The following MSRA variants were observed in gnomAD, a reference collection of about 807,000 sequenced individuals.
MSRA encodes methionine sulfoxide reductase A.
In MSRA, 54 loss-of-function variants were observed where a neutral mutation model predicts 31.3. That is an observed-to-expected ratio of 1.73 (90% CI 1.39 to 2.17). The LOEUF (loss-of-function observed/expected upper bound fraction) is 2.17. MSRA is among the 30% of genes most tolerant of loss of function. The pLI, the probability that MSRA is intolerant of heterozygous loss-of-function variation, is 0.00. For missense variants in MSRA, 507 were observed against 300.9 expected (o/e 1.69, Z -5.07); for synonymous variants, 169 against 116.5 (o/e 1.45, Z -2.90).
chr8:10,309,775 G>A (rs1563335340), intron 4 of MSRA, among the ~76,000 whole-genome samples: 1 of 152,112 alleles, frequency 6.6e-6, no homozygotes, highest in African/African-American at 2.4e-5. Context: ...GGTGTCCTTG[G>A]GCTGCATGGG....
chr8:10,324,013 G>C (rs202020406), intron 5 of MSRA, among the ~76,000 whole-genome samples: 3 of 152,190 alleles, frequency 2.0e-5, no homozygotes, highest in Non-Finnish European at 4.4e-5. Context: ...GAGATGAGTT[G>C]AAAGTTCAGT....
At chr8:10,350,758 G>T (rs916887676) in intron 5 of MSRA, among the ~76,000 whole-genome samples, 4 of 152,176 alleles carry the variant, frequency 2.6e-5, no homozygotes, top group Non-Finnish European at 5.9e-5. Context: ...GGAGCAGACC[G>T]AGCCCCCAGC....
At chr8:10,273,460 A>G (rs1799151062) in intron 3 of MSRA, among the ~76,000 whole-genome samples, 1 of 152,186 alleles carries the variant, frequency 6.6e-6, no homozygotes, top group Admixed American at 6.5e-5. Flanking sequence ...AAATGGGGAA[A>G]ATAGTTTTCT....
intron 1 of MSRA, among the ~76,000 whole-genome samples, chr8:10,151,261 CAAAAAAAAAA>C (rs34388218): frequency 9.2e-5 from 10 of 109,170 alleles, no homozygotes; most frequent in South Asian, 5.1e-4. Context: ...GAGTCTGTCT[CAAAAAAAAAA>C]AAAAAAAAAA....
At chr8:10,306,376 C>T (rs918046019) in intron 4 of MSRA, among the ~76,000 whole-genome samples, 1 of 152,134 alleles carries the variant, frequency 6.6e-6, no homozygotes, top group Non-Finnish European at 1.5e-5. Flanking sequence ...TCTTTTTCAA[C>T]ACAACAATAC....
chr8:10,089,652 A>G (rs907061729), intron 1 of MSRA, among the ~76,000 whole-genome samples: 4 of 152,162 alleles, frequency 2.6e-5, no homozygotes, highest in African/African-American at 9.7e-5. Flanking sequence ...TTTTTCCTTC[A>G]CAGTTCTGCA....
chr8:10,354,748 GTGTA>G (rs1192665247), intron 5 of MSRA, among the ~76,000 whole-genome samples: 14 of 129,016 alleles, frequency 1.1e-4, no homozygotes, highest in African/African-American at 1.5e-4. Context: ...GTGTGTGTGT[GTGTA>G]TATATATATA....
intron 1 of MSRA, among the ~76,000 whole-genome samples, chr8:10,110,213 T>G (rs1444404506): frequency 6.6e-6 from 1 of 152,230 alleles, no homozygotes; most frequent in East Asian, 1.9e-4. Flanking sequence ...GAAGCTGGGT[T>G]TGAAACAAGA....
intron 1 of MSRA, among the ~76,000 whole-genome samples, chr8:10,062,858 A>T (rs567596111): frequency 1.3e-5 from 2 of 152,282 alleles, no homozygotes; most frequent in South Asian, 2.1e-4. Flanking sequence ...TGAGATTGCT[A>T]GTGAGGCACT....
chr8:10,333,115 G>C (rs1802802143), intron 5 of MSRA, among the ~76,000 whole-genome samples: 1 of 152,138 alleles, frequency 6.6e-6, no homozygotes, highest in Non-Finnish European at 1.5e-5. Flanking sequence ...AAGTACAGTA[G>C]AAGTATAGAC....
chr8:10,185,437 G>A (rs1032979321), intron 1 of MSRA, among the ~76,000 whole-genome samples: 3 of 152,142 alleles, frequency 2.0e-5, no homozygotes, highest in Admixed American at 2.0e-4. Context: ...GGGGTAAGAT[G>A]GACAACCCTG....
intron 2 of MSRA, among the ~76,000 whole-genome samples, chr8:10,214,154 T>G (rs151257858): frequency 6.6e-6 from 1 of 152,194 alleles, no homozygotes; most frequent in African/African-American, 2.4e-5. Flanking sequence ...GGAAAATGTG[T>G]TTTTTGTCGC....
At chr8:10,332,453 C>CCG (rs1475572200) in intron 5 of MSRA, among the ~76,000 whole-genome samples, 1 of 150,134 alleles carries the variant, frequency 6.7e-6, no homozygotes, top group African/African-American at 2.4e-5. Flanking sequence ...AAGAAAAATC[C>CCG]CCCCTCCCCA....
At chr8:10,152,762 C>T (rs190989128) in intron 1 of MSRA, among the ~76,000 whole-genome samples, 10 of 152,234 alleles carry the variant, frequency 6.6e-5, no homozygotes, top group African/African-American at 2.2e-4. Flanking sequence ...TCCACGTGCC[C>T]GTTGACAGGT....
chr8:10,210,155 C>A (rs952703359), intron 2 of MSRA, among the ~76,000 whole-genome samples: 2 of 152,106 alleles, frequency 1.3e-5, no homozygotes, highest in Non-Finnish European at 2.9e-5. Flanking sequence ...CAGTGCTTGA[C>A]TCTTTGGGAT....
chr8:10,096,967 C>T (rs1204602612), intron 1 of MSRA, among the ~76,000 whole-genome samples: 1 of 152,154 alleles, frequency 6.6e-6, no homozygotes, highest in African/African-American at 2.4e-5. Flanking sequence ...CATAAGTACT[C>T]ATCATTTTGG....
intron 1 of MSRA, among the ~76,000 whole-genome samples, chr8:10,179,869 T>G (rs1461671397): frequency 6.6e-6 from 1 of 152,208 alleles, no homozygotes; most frequent in African/African-American, 2.4e-5. Flanking sequence ...TGTAAAGATT[T>G]TTATTTGCAG....
intron 1 of MSRA, among the ~76,000 whole-genome samples, chr8:10,098,919 G>A (rs1324224155): frequency 2.0e-5 from 3 of 152,248 alleles, no homozygotes; most frequent in Non-Finnish European, 4.4e-5. Context: ...ACAGTGGCCT[G>A]TTTATGTGGG....
At chr8:10,280,178 T>G (rs1799542817) in intron 3 of MSRA, among the ~76,000 whole-genome samples, 2 of 152,166 alleles carry the variant, frequency 1.3e-5, no homozygotes, top group African/African-American at 4.8e-5. Context: ...GTGATATAAT[T>G]TATTTGTGCT....
Sources: gnomAD v4.1 joint callset for allele counts (sites outside exome capture counted in the v4.1 genomes callset) on GRCh38, gnomAD v4.1.1 for gene constraint, MANE v1.5 for transcripts, NCBI Gene and HGNC (gene_info 2026-07-23, HGNC 2026-07-21) for gene names.